Variants in SFMBT2 observed in about 807,000 individuals in gnomAD.
SFMBT2 encodes Scm like with four mbt domains 2, also known as scm-like with four MBT domains protein 2.
Under a neutral mutation model 110.1 loss-of-function variants are expected in SFMBT2, and 38 were observed. The observed-to-expected ratio is 0.35, with a 90% CI of 0.27 to 0.45. The LOEUF (loss-of-function observed/expected upper bound fraction) is 0.45, where lower values mean the gene tolerates loss of function less well. Ranked by LOEUF, SFMBT2 falls within the 20% of genes least tolerant of loss-of-function variation. SFMBT2 has a pLI of 1.00. For synonymous variants in SFMBT2, 425 were observed against 425.4 expected (o/e 1.00, Z 0.01); for missense variants, 1,011 against 1,094.9 (o/e 0.92, Z 1.08).
chr10:7,249,080 G>A lies in SFMBT2; in HGVS notation c.871-431C>T, dbSNP rs571366932. ...TACCCAAGGTCTGCCACCACCTCCC[G>A]TGTCTAAGAGCACACAGCTTACCAG... On this transcript the variant is annotated intron_variant, in intron 7 of 20. Coordinates refer to ENST00000397167, the MANE Select transcript of SFMBT2 (RefSeq NM_001387889.1). The A allele has an allele frequency of 3.2e-5, 31 of 980,000 alleles. No individual in the cohort carries two copies. In the African/African-American group the frequency reaches 4.0e-4, roughly 13 times the overall value. 60.7% of individuals were successfully genotyped at this position (980,000 alleles called of 1,614,324 possible).
intron 2 of SFMBT2, chr10:7,370,782 T>G (rs755276776): frequency 6.2e-6 from 6 of 965,092 alleles, no homozygotes; most frequent in Non-Finnish European, 7.4e-6. Context: ...GGCTGTGATG[T>G]ATACAGAGAA....
chr10:7,163,148 A>C lies in SFMBT2; in HGVS notation c.*622T>G, dbSNP rs1837594660. The C allele has an allele frequency of 1.1e-5, 2 of 174,070 alleles. No homozygotes were observed. The highest frequency in any genetic ancestry group is 2.4e-5 in the Non-Finnish European group (2 of 82,696). 10.8% of individuals were successfully genotyped at this position (174,070 alleles called of 1,614,324 possible). ...CAACAAACAAACAAACAAACAAACAAACCATCTAGTTGCATGGAGATGCCT... is the reference window on the plus strand; with the variant it reads ...CAACAAACAAACAAACAAACAAACACACCATCTAGTTGCATGGAGATGCCT... On this transcript the variant is annotated 3_prime_UTR_variant, in exon 21 of 21. Coordinates refer to ENST00000397167, the MANE Select transcript of SFMBT2 (RefSeq NM_001387889.1). The surrounding 1 kb of genome is among the most constrained non-coding windows in gnomAD (Gnocchi z 4.8).
chr10:7,212,293 C>A (rs1415831089), intron 11 of SFMBT2, among the ~76,000 whole-genome samples: 1 of 152,238 alleles, frequency 6.6e-6, no homozygotes, highest in Non-Finnish European at 1.5e-5. Flanking sequence ...TCTTAATGGA[C>A]TGCTGTATCT....
At chr10:7,196,944 C>T (rs1357262953) in intron 15 of SFMBT2, among the ~76,000 whole-genome samples, 1 of 152,150 alleles carries the variant, frequency 6.6e-6, no homozygotes, top group South Asian at 2.1e-4. Context: ...GGTCGTCGCC[C>T]GAAGGCAGCA....
intron 4 of SFMBT2, among the ~76,000 whole-genome samples, chr10:7,297,862 T>C (rs560830537): frequency 5.7e-4 from 87 of 152,290 alleles, no homozygotes; most frequent in Middle Eastern, 6.8e-3. Context: ...GACACCTGTA[T>C]ACCTGAGGAT....
At chr10:7,409,106 C>G (rs1339943460) in intron 1 of SFMBT2, among the ~76,000 whole-genome samples, 1 of 147,156 alleles carries the variant, frequency 6.8e-6, no homozygotes. Context: ...ACCACCACCA[C>G]CACTTTGGTC....
intron 4 of SFMBT2, among the ~76,000 whole-genome samples, chr10:7,341,431 A>C (rs1843899400): frequency 6.6e-6 from 1 of 152,248 alleles, no homozygotes; most frequent in Non-Finnish European, 1.5e-5. Context: ...CATTTAAAAT[A>C]TAAAAAGTAT....
At chr10:7,406,064 T>C (rs1846202764) in intron 1 of SFMBT2, among the ~76,000 whole-genome samples, 1 of 151,934 alleles carries the variant, frequency 6.6e-6, no homozygotes, top group African/African-American at 2.4e-5. Flanking sequence ...CCCAATGCCA[T>C]TTTGGTACAA....
In SFMBT2 at chr10:7,335,553, C is replaced by T. The variant is rs189367620; in HGVS notation, c.436+32096G>A. Among the ~76,000 whole-genome samples, 267 of 145,152 alleles carry T rather than the reference C, an allele frequency of 1.8e-3. 1 individual carries two copies. The highest frequency in any genetic ancestry group is 6.4e-3 in the African/African-American group (248 of 39,052). On this transcript the variant is annotated intron_variant, in intron 4 of 20. Transcript: ENST00000397167. ...TTTCTCTTTCTCAAAAAAGTAACAC[C>T]TTAAAAGATATTCAGAAACAGAAAC...
At chr10:7,387,316 A>G (rs778304562) in intron 1 of SFMBT2, among the ~76,000 whole-genome samples, 4 of 152,292 alleles carry the variant, frequency 2.6e-5, no homozygotes, top group Non-Finnish European at 4.4e-5. Flanking sequence ...TGCTGATACC[A>G]TGCAGTTTTC....
intron 4 of SFMBT2, among the ~76,000 whole-genome samples, chr10:7,344,315 G>A (rs1298749736): frequency 6.6e-6 from 1 of 152,126 alleles, no homozygotes; most frequent in Non-Finnish European, 1.5e-5. Context: ...CAAGGGTGGG[G>A]CCAGGTGGAG....
intron 9 of SFMBT2, among the ~76,000 whole-genome samples, chr10:7,229,678 AATT>A (rs1452925659): frequency 6.6e-6 from 1 of 151,106 alleles, no homozygotes; most frequent in Non-Finnish European, 1.5e-5. Flanking sequence ...AAAGAATACG[AATT>A]ATTTTCAATA....
intron 4 of SFMBT2, among the ~76,000 whole-genome samples, chr10:7,331,393 C>T (rs1843554143): frequency 6.6e-6 from 1 of 152,204 alleles, no homozygotes; most frequent in South Asian, 2.1e-4. Context: ...GAAAGACAAC[C>T]TTTAAACATA....
In SFMBT2 at chr10:7,348,083, T is replaced by C. The variant is rs56212729; in HGVS notation, c.436+19566A>G. 8.1e-3 allele frequency: 3,347 copies of C among 413,966 alleles called. 93 individuals carry two copies. Among genetic ancestry groups the C allele is most frequent in the African/African-American group, 0.06 (2,938 of 49,120 alleles). The allele number at this position is 413,966 out of a possible 1,614,324, so 25.6% of individuals were successfully genotyped here. A position where few individuals can be genotyped will look rare whatever the true frequency, so the allele number is the denominator to read the frequency against. ...ACTCCAAATAACAGTACACCCGGCA[T>C]ATAAATCATCATCATCCCTTCATCT... On this transcript the variant is annotated intron_variant, in intron 4 of 20. Coordinates refer to ENST00000397167, the MANE Select transcript of SFMBT2 (RefSeq NM_001387889.1).
chr10:7,186,474 A>ATT (rs575700146), intron 16 of SFMBT2, among the ~76,000 whole-genome samples: 1 of 139,202 alleles, frequency 7.2e-6, no homozygotes, highest in African/African-American at 2.8e-5. Flanking sequence ...ATATATATAT[A>ATT]AAAATATTTT....
At chr10:7,200,512 G>C in intron 13 of SFMBT2, 28 bp from the exon 14 acceptor site, 1 of 1,571,348 alleles carries the variant, frequency 6.4e-7, no homozygotes, top group Non-Finnish European at 8.6e-7. Context: ...AAAACTATCA[G>C]GGACCACAAG....
At chr10:7,319,786 G>GACA (rs1843118560) in intron 4 of SFMBT2, among the ~76,000 whole-genome samples, 2 of 148,358 alleles carry the variant, frequency 1.3e-5, no homozygotes, top group African/African-American at 4.9e-5. Flanking sequence ...GAGAGAGAGA[G>GACA]GGAGAGACAG....
At chr10:7,304,183 G>C (rs990084776) in intron 4 of SFMBT2, among the ~76,000 whole-genome samples, 1 of 152,188 alleles carries the variant, frequency 6.6e-6, no homozygotes, top group Non-Finnish European at 1.5e-5. Flanking sequence ...TCTTGGGAGG[G>C]ACCCACTGGG....
At chr10:7,339,506 T>C (rs1843824869) in intron 4 of SFMBT2, among the ~76,000 whole-genome samples, 1 of 152,218 alleles carries the variant, frequency 6.6e-6, no homozygotes, top group African/African-American at 2.4e-5. Context: ...ATTTCTTTCA[T>C]CAGAAATGTA....
Sources: allele counts gnomAD v4.1 joint callset (sites outside exome capture counted in the v4.1 genomes callset), GRCh38; gene constraint gnomAD v4.1.1; non-coding constraint Gnocchi (gnomAD v3.1); transcripts MANE v1.5; gene names NCBI Gene and HGNC (gene_info 2026-07-23, HGNC 2026-07-21).